Variants in AHCY observed in about 807,000 individuals in gnomAD.
AHCY encodes the protein adenosylhomocysteinase, also known as S-adenosyl-L-homocysteine hydrolase.
AHCY carries 24 observed loss-of-function variants against 45.4 expected under a neutral mutation model. The ratio of observed to expected loss-of-function variants is 0.53; its 90% CI spans 0.38 to 0.74. The LOEUF is 0.74. Ranked by LOEUF, AHCY falls within the 30% of genes least tolerant of loss-of-function variation. The probability of loss-of-function intolerance (pLI) is 0.00; values close to 1 mark genes in which losing one functional copy is unlikely to be tolerated. For synonymous variants in AHCY, 245 were observed against 235.1 expected (o/e 1.04, Z -0.39); for missense variants, 449 against 594.1 (o/e 0.76, Z 2.54).
upstream of AHCY, among the ~76,000 whole-genome samples, chr20:34,306,812 A>G (rs1302233650): frequency 6.6e-6 from 1 of 152,262 alleles, no homozygotes; most frequent in Non-Finnish European, 1.5e-5. Context: ...AACCAATTCC[A>G]ATATATTACA....
upstream of AHCY, among the ~76,000 whole-genome samples, chr20:34,304,116 A>T (rs1370999596): frequency 6.6e-6 from 1 of 152,240 alleles, no homozygotes; most frequent in East Asian, 1.9e-4. Context: ...TACATTTCTT[A>T]TACTTTTACT....
the AHCY span, among the ~76,000 whole-genome samples, chr20:34,272,058 A>AG: frequency 6.6e-6 from 1 of 151,734 alleles, no homozygotes; most frequent in Non-Finnish European, 1.5e-5. Context: ...AAAAAAAAAA[A>AG]ATAGCCCCTG....
At chr20:34,284,820 C>T (rs2036118439) in intron 9 of AHCY, among the ~76,000 whole-genome samples, 1 of 152,136 alleles carries the variant, frequency 6.6e-6, no homozygotes, top group Admixed American at 6.5e-5. Context: ...GAGACTCTAT[C>T]TCAAAAAAAT....
the AHCY span, among the ~76,000 whole-genome samples, chr20:34,258,700 A>ATATGTATATACATAC: frequency 2.6e-5 from 2 of 77,918 alleles, no homozygotes; most frequent in African/African-American, 9.3e-5. Context: ...TACATACTAT[A>ATATGTATATACATAC]TATATATATT....
At chr20:34,285,779 C>T in intron 8 of AHCY, 145 bp from the exon 9 acceptor site, 1 of 858,552 alleles carries the variant, frequency 1.2e-6, no homozygotes, top group Non-Finnish European at 1.9e-6. Flanking sequence ...TGGCTTAGCA[C>T]AAAAATAACA....
chr20:34,241,562 T>A, the AHCY span: 1 of 979,590 alleles, frequency 1.0e-6, no homozygotes, highest in South Asian at 4.7e-5. Flanking sequence ...TGAAAGGACT[T>A]AACAGTTATC....
chr20:34,277,169 AG>A (rs2035915881), downstream of AHCY, among the ~76,000 whole-genome samples: 1 of 152,072 alleles, frequency 6.6e-6, no homozygotes, highest in African/African-American at 2.4e-5. Flanking sequence ...CCTCTAGCCT[AG>A]GAGGCCCCTC....
chr20:34,282,618 A>G (rs1196132222), intron 9 of AHCY, among the ~76,000 whole-genome samples: 1 of 152,234 alleles, frequency 6.6e-6, no homozygotes, highest in Non-Finnish European at 1.5e-5. Context: ...GAGGAAATCA[A>G]GGTTCAGAAA....
the AHCY span, among the ~76,000 whole-genome samples, chr20:34,250,742 C>T: frequency 6.6e-6 from 1 of 151,922 alleles, no homozygotes; most frequent in African/African-American, 2.4e-5. Flanking sequence ...GGTGCCTTTG[C>T]CTCTTCTTCC....
the AHCY span, among the ~76,000 whole-genome samples, chr20:34,261,366 G>A: frequency 6.6e-6 from 1 of 152,184 alleles, no homozygotes; most frequent in Non-Finnish European, 1.5e-5. Context: ...AAGGCACGTG[G>A]CATGCACCTG....
chr20:34,287,413 C>T (rs548415302), intron 8 of AHCY, among the ~76,000 whole-genome samples: 6 of 129,414 alleles, frequency 4.6e-5, no homozygotes, highest in East Asian at 2.3e-4. Flanking sequence ...TTTTCTGAGA[C>T]GGAGTCTTAC....
At chr20:34,240,659 G>A in the AHCY span, among the ~76,000 whole-genome samples, 1 of 152,106 alleles carries the variant, frequency 6.6e-6, no homozygotes, top group Non-Finnish European at 1.5e-5. Flanking sequence ...TAACTCACCC[G>A]GAATTTCTGA....
upstream of AHCY, chr20:34,303,420 G>T: frequency 8.4e-7 from 1 of 1,190,808 alleles, no homozygotes; most frequent in Non-Finnish European, 1.2e-6. Context: ...GACCCGCTGG[G>T]GCGGGGCCCA....
the AHCY span, among the ~76,000 whole-genome samples, chr20:34,270,696 A>G: frequency 9.3e-4 from 142 of 152,352 alleles, no homozygotes; most frequent in African/African-American, 3.0e-3. Flanking sequence ...TGCTGTGGAC[A>G]TAGTGGTGAA....
chr20:34,292,213 T>C (rs1265489298), intron 4 of AHCY, 145 bp downstream of exon 4: 66 of 1,173,836 alleles, frequency 5.6e-5, no homozygotes, highest in Non-Finnish European at 1.8e-5. Context: ...GGCCCCAGCA[T>C]GAATGCCAGA....
At chr20:34,257,148 A>C in the AHCY span, among the ~76,000 whole-genome samples, 1 of 147,614 alleles carries the variant, frequency 6.8e-6, no homozygotes, top group African/African-American at 2.5e-5. Flanking sequence ...AAGTGGTACG[A>C]TCTCAGCTCA....
Position 34,281,016 on chromosome 20 carries a change from G to A in AHCY, c.*18C>T, listed in dbSNP as rs2035981846. 6.2e-7 allele frequency: 1 copy of A among 1,614,022 alleles called. No individual in the cohort carries two copies. Among genetic ancestry groups the A allele is most frequent in the African/African-American group, 1.3e-5 (1 of 75,078 alleles). ...TGGGCAAGGACAGCAGCTGGAGGGT[G>A]AAACGCAGACCTGGCTCTCAGTAGC... On this transcript the variant is annotated 3_prime_UTR_variant, in exon 10 of 10. Coordinates refer to ENST00000217426, the MANE Select transcript of AHCY (RefSeq NM_000687.4).
downstream of AHCY, among the ~76,000 whole-genome samples, chr20:34,277,597 T>C (rs984420357): frequency 2.0e-5 from 3 of 150,978 alleles, no homozygotes; most frequent in Non-Finnish European, 4.4e-5. Context: ...CTACTAAAAA[T>C]ATAAAAAATT....
the AHCY span, among the ~76,000 whole-genome samples, chr20:34,232,162 A>T: frequency 6.6e-6 from 1 of 152,222 alleles, no homozygotes; most frequent in Non-Finnish European, 1.5e-5. Flanking sequence ...TTTTATAGAA[A>T]GCAGTAAGTG....
Sources: gnomAD v4.1 joint callset for allele counts (sites outside exome capture counted in the v4.1 genomes callset) on GRCh38, gnomAD v4.1.1 for gene constraint, MANE v1.5 for transcripts, NCBI Gene and HGNC (gene_info 2026-07-23, HGNC 2026-07-21) for gene names.